NR3C2: variants seen among roughly 807,000 people sequenced by gnomAD.
NR3C2 encodes mineralocorticoid receptor.
Under a neutral mutation model 86.4 loss-of-function variants are expected in NR3C2, and 15 were observed. That is an observed-to-expected ratio of 0.17 (90% CI 0.12 to 0.27). The LOEUF (loss-of-function observed/expected upper bound fraction) is 0.27. Among genes scored for constraint, NR3C2 ranks in the 10% least tolerant of loss-of-function variants. NR3C2 has a pLI of 1.00. For missense variants in NR3C2, 960 were observed against 1,195.6 expected, an observed-to-expected ratio of 0.80 and a Z score of 2.91; for synonymous variants, 458 against 450.5, an observed-to-expected ratio of 1.02 and a Z score of -0.21.
At chr4:148,366,116 G>A (rs571641034) in intron 2 of NR3C2, among the ~76,000 whole-genome samples, 5 of 152,062 alleles carry the variant, frequency 3.3e-5, no homozygotes, top group Admixed American at 3.3e-4. Context: ...AAAGATTTCA[G>A]GAAGTATGGA....
chr4:148,304,057 G>A (rs980304165), intron 2 of NR3C2, among the ~76,000 whole-genome samples: 1 of 152,178 alleles, frequency 6.6e-6, no homozygotes, highest in Non-Finnish European at 1.5e-5. Flanking sequence ...AACCAGGGAT[G>A]CCTGTTCCCC....
At chr4:148,368,485 T>C (rs1322695162) in intron 2 of NR3C2, 1 of 152,176 alleles carries the variant, frequency 6.6e-6, no homozygotes, top group Non-Finnish European at 1.5e-5. Flanking sequence ...TAATGACACA[T>C]TATTGTCACT....
intron 3 of NR3C2, among the ~76,000 whole-genome samples, chr4:148,232,583 A>C (rs1345631229): frequency 6.6e-6 from 1 of 152,188 alleles, no homozygotes; most frequent in African/African-American, 2.4e-5. Flanking sequence ...AGATTTTTGG[A>C]ATCCTGGCTT....
chr4:148,309,069 T>C (rs1475347901), intron 2 of NR3C2, among the ~76,000 whole-genome samples: 1 of 151,986 alleles, frequency 6.6e-6, no homozygotes, highest in African/African-American at 2.4e-5. Context: ...TTTGAGATGA[T>C]GGATATAATT....
At chr4:148,269,758 G>A (rs776791706) in intron 2 of NR3C2, among the ~76,000 whole-genome samples, 36 of 152,160 alleles carry the variant, frequency 2.4e-4, no homozygotes, top group Non-Finnish European at 1.0e-4. Context: ...TAAGTTATTC[G>A]GAATCCTCAG....
chr4:148,336,491 G>A (rs12649394), intron 2 of NR3C2, among the ~76,000 whole-genome samples: 98,907 of 151,876 alleles, frequency 0.65, 33,733 homozygotes, highest in Non-Finnish European at 0.75. Flanking sequence ...TGGATAAATG[G>A]GATAAATGGC....
At chr4:148,089,129 C>A (rs1730949918) in intron 8 of NR3C2, among the ~76,000 whole-genome samples, 1 of 152,178 alleles carries the variant, frequency 6.6e-6, no homozygotes, top group Non-Finnish European at 1.5e-5. Flanking sequence ...TAGTAAATAA[C>A]TGTTTGGTAA....
chr4:148,170,512 A>C (rs1735074027), intron 4 of NR3C2, among the ~76,000 whole-genome samples: 1 of 152,184 alleles, frequency 6.6e-6, no homozygotes, highest in African/African-American at 2.4e-5. Flanking sequence ...CTGCTTGAAA[A>C]AAAATTTTTT....
chr4:148,349,030 A>G (rs555376420), intron 2 of NR3C2, among the ~76,000 whole-genome samples: 1 of 152,302 alleles, frequency 6.6e-6, no homozygotes, highest in Admixed American at 6.5e-5. Flanking sequence ...GAAGAGTAAA[A>G]TAACTCAAGA....
intron 2 of NR3C2, among the ~76,000 whole-genome samples, chr4:148,339,741 A>G (rs564868733): frequency 2.0e-5 from 3 of 152,308 alleles, no homozygotes; most frequent in East Asian, 3.9e-4. Context: ...ATGACATCCA[A>G]TTTGGAAGGA....
intron 2 of NR3C2, among the ~76,000 whole-genome samples, chr4:148,272,458 T>C (rs1740736153): frequency 6.6e-6 from 1 of 152,146 alleles, no homozygotes; most frequent in African/African-American, 2.4e-5. Flanking sequence ...TATTTAAGCC[T>C]GTGGTGTGTG....
chr4:148,231,548 GATC>G (rs1242672891), intron 3 of NR3C2, among the ~76,000 whole-genome samples: 1 of 152,162 alleles, frequency 6.6e-6, no homozygotes, highest in Non-Finnish European at 1.5e-5. Flanking sequence ...AACTGCTAAT[GATC>G]ATCAGCCTTC....
chr4:148,267,413 C>G (rs1043021503), intron 2 of NR3C2, among the ~76,000 whole-genome samples: 14 of 151,982 alleles, frequency 9.2e-5, no homozygotes, highest in Non-Finnish European at 2.1e-4. Context: ...GCCACCACAC[C>G]CAGCTAGATC....
rs1327427421 is a variant in NR3C2, at chr4:148,079,362, T to G, written c.*1982A>C. Reference sequence around the variant, plus strand: ...GAGTGCAGCTTTCACAGGTTTCCCCTTGCATAAGGCAGGTGTCTTTTGAAA... The same window carrying G: ...GAGTGCAGCTTTCACAGGTTTCCCCGTGCATAAGGCAGGTGTCTTTTGAAA... On this transcript the variant is annotated 3_prime_UTR_variant, in exon 9 of 9. Transcript: ENST00000358102. The G allele has an allele frequency of 6.6e-6, 1 of 152,232 alleles. No individual in the cohort carries two copies. The highest frequency in any genetic ancestry group is 1.5e-5 in the Non-Finnish European group (1 of 68,042). The allele number at this position is 152,232 out of a possible 1,614,324, so 9.4% of individuals were successfully genotyped here.
chr4:148,296,007 T>C (rs1411897334), intron 2 of NR3C2, among the ~76,000 whole-genome samples: 1 of 135,140 alleles, frequency 7.4e-6, no homozygotes, highest in East Asian at 2.1e-4. Context: ...AGTCAATGTT[T>C]GCTTAATGCA....
chr4:148,183,062 A>G (rs1317809555), intron 4 of NR3C2, among the ~76,000 whole-genome samples: 1 of 152,174 alleles, frequency 6.6e-6, no homozygotes, highest in East Asian at 1.9e-4. Context: ...ATGAGTGAGA[A>G]CATGTGGTGT....
In NR3C2 at chr4:148,328,073, C is replaced by T. The variant is rs138096324; in HGVS notation, c.1758-67956G>A. On this transcript the variant is annotated intron_variant, in intron 2 of 8. Transcript: ENST00000358102. ...GGAGCTCTGGGTTTAACTTCAACAC[C>T]GGCTTGCTGCCAGGACTCTGCCATT... Among the ~76,000 whole-genome samples, 265 of 152,272 alleles carry T rather than the reference C, an allele frequency of 1.7e-3. 2 individuals carry two copies. The highest frequency in any genetic ancestry group is 5.9e-3 in the African/African-American group (247 of 41,560).
At chr4:148,357,803 C>T (rs1427184667) in intron 2 of NR3C2, among the ~76,000 whole-genome samples, 4 of 152,048 alleles carry the variant, frequency 2.6e-5, no homozygotes, top group African/African-American at 7.2e-5. Flanking sequence ...ATGTCAGCCA[C>T]TTTAGTTCCT....
At chr4:148,381,071 T>C (rs1284144585) in intron 2 of NR3C2, among the ~76,000 whole-genome samples, 1 of 151,738 alleles carries the variant, frequency 6.6e-6, no homozygotes, top group Non-Finnish European at 1.5e-5. Flanking sequence ...TACAAAAAAA[T>C]ACAAAAATTA....
Sources: gnomAD v4.1 joint callset for allele counts (sites outside exome capture counted in the v4.1 genomes callset) on GRCh38, gnomAD v4.1.1 for gene constraint, MANE v1.5 for transcripts, NCBI Gene and HGNC (gene_info 2026-07-23, HGNC 2026-07-21) for gene names.